ARRB1: variants seen among roughly 807,000 people sequenced by gnomAD.
The protein encoded by ARRB1 is arrestin beta 1, also known as beta-arrestin-1.
A neutral mutation model predicts 56.8 loss-of-function variants in ARRB1; 21 were observed. The observed-to-expected ratio is 0.37, with a 90% CI of 0.26 to 0.53. The LOEUF is 0.53. Among genes scored for constraint, ARRB1 ranks in the 20% least tolerant of loss-of-function variants. ARRB1 has a pLI of 0.88. For synonymous variants in ARRB1, 210 were observed against 218.6 expected (o/e 0.96, Z 0.35); for missense variants, 424 against 553.7 (o/e 0.77, Z 2.35).
intron 2 of ARRB1, 130 bp downstream of exon 2, chr11:75,289,879 G>T: frequency 7.6e-7 from 1 of 1,320,548 alleles, no homozygotes; most frequent in East Asian, 2.3e-5. Flanking sequence ...CCCCTAAGAC[G>T]GGGAGCAGCA....
intron 7 of ARRB1, 57 bp from the exon 8 acceptor site, chr11:75,278,801 C>T: frequency 6.5e-7 from 1 of 1,548,656 alleles, no homozygotes; most frequent in Non-Finnish European, 8.7e-7. Context: ...CATCCCCTCT[C>T]CTTGCGAGCC....
chr11:75,300,335 A>C (rs940180038), intron 1 of ARRB1, among the ~76,000 whole-genome samples: 1 of 152,170 alleles, frequency 6.6e-6, no homozygotes, highest in Non-Finnish European at 1.5e-5. Flanking sequence ...CAACAACTCT[A>C]TAATAAGTGT....
intron 1 of ARRB1, among the ~76,000 whole-genome samples, chr11:75,329,468 T>C (rs1947487310): frequency 1.3e-5 from 2 of 152,296 alleles, no homozygotes; most frequent in South Asian, 4.1e-4. Flanking sequence ...TTCAGGGATC[T>C]AGAATTCCAG....
chr11:75,341,487 A>G (rs1240822770), intron 1 of ARRB1, among the ~76,000 whole-genome samples: 1 of 152,096 alleles, frequency 6.6e-6, no homozygotes, highest in African/African-American at 2.4e-5. Flanking sequence ...CAGAAACCCC[A>G]TTAATATTAT....
At chr11:75,325,700 C>T (rs141122457) in intron 1 of ARRB1, among the ~76,000 whole-genome samples, 244 of 152,284 alleles carry the variant, frequency 1.6e-3, no homozygotes, top group African/African-American at 5.7e-3. Flanking sequence ...GTGAACTCTG[C>T]GGCTCATGCT....
chr11:75,267,755 C>A, intron 14 of ARRB1, 52 bp from the exon 15 acceptor site: 1 of 1,553,804 alleles, frequency 6.4e-7, no homozygotes, highest in Non-Finnish European at 8.8e-7. Context: ...AGTGGATGAG[C>A]ACGGGGCGAG....
At chr11:75,317,425 G>A (rs1415366044) in intron 1 of ARRB1, among the ~76,000 whole-genome samples, 2 of 151,634 alleles carry the variant, frequency 1.3e-5, no homozygotes, top group African/African-American at 2.4e-5. Flanking sequence ...AACCCCCGAC[G>A]GCATCCTCAC....
chr11:75,280,475 G>T (rs573195027), intron 7 of ARRB1, among the ~76,000 whole-genome samples: 4 of 152,306 alleles, frequency 2.6e-5, no homozygotes, highest in African/African-American at 9.6e-5. Flanking sequence ...AGCACAGCCC[G>T]ACCCAGGAGG....
rs756877926 is a variant in ARRB1, at chr11:75,333,235, G to A, written c.20+18353C>T. ...AAAAACAAAGCCACTTGTCAAGAAG[G>A]GCAGAGCCACAGTTGTGGGTGGCCA... On this transcript the variant is annotated intron_variant, in intron 1 of 15. Transcript: ENST00000420843. 2.2e-4 allele frequency among the ~76,000 whole-genome samples: 34 copies of A among 152,304 alleles called. No individual in the cohort carries two copies. In the South Asian group the frequency reaches 6.8e-3, roughly 31 times the overall value.
Position 75,263,841 on chromosome 11 carries a change from G to A in ARRB1, c.*2322C>T, listed in dbSNP as rs1945852335. On this transcript the variant is annotated 3_prime_UTR_variant, in exon 16 of 16. Coordinates refer to ENST00000420843, the MANE Select transcript of ARRB1 (RefSeq NM_004041.5). Reference sequence around the variant, plus strand: ...CCCAAAAGGGTGAGCGTGATGTTGAGGTGCAGGAGGCTCGGGAAACCAGCC... The same window carrying A: ...CCCAAAAGGGTGAGCGTGATGTTGAAGTGCAGGAGGCTCGGGAAACCAGCC... 6.6e-6 allele frequency among the ~76,000 whole-genome samples: 1 copy of A among 152,220 alleles called. No homozygotes were observed. Among genetic ancestry groups the A allele is most frequent in the Non-Finnish European group, 1.5e-5 (1 of 68,046 alleles).
intron 1 of ARRB1, among the ~76,000 whole-genome samples, chr11:75,296,706 C>G (rs1189602030): frequency 1.3e-5 from 2 of 151,586 alleles, no homozygotes; most frequent in Admixed American, 1.3e-4. Flanking sequence ...GAGATGGAGT[C>G]TCACTCTGTC....
intron 14 of ARRB1, 69 bp from the exon 15 acceptor site, chr11:75,267,772 C>T: frequency 1.5e-6 from 2 of 1,373,634 alleles, no homozygotes; most frequent in Non-Finnish European, 2.0e-6. Flanking sequence ...CGAGTAAGCA[C>T]AGGCCCCCAC....
chr11:75,328,109 C>T (rs1335793487), intron 1 of ARRB1, among the ~76,000 whole-genome samples: 1 of 152,212 alleles, frequency 6.6e-6, no homozygotes, highest in Non-Finnish European at 1.5e-5. Context: ...TCTTTCCTCT[C>T]TCCAACCCCT....
chr11:75,278,563 C>T, intron 8 of ARRB1, 46 bp downstream of exon 8: 1 of 1,612,108 alleles, frequency 6.2e-7, no homozygotes, highest in African/African-American at 1.3e-5. Flanking sequence ...GAGGCCCAGG[C>T]CCTGGTGGAG....
intron 10 of ARRB1, chr11:75,274,931 C>T (rs140587355): frequency 0.017 from 2,587 of 152,418 alleles, 77 homozygotes; most frequent in African/African-American, 0.058. Flanking sequence ...AAGACCCCAT[C>T]GCTACAAAAA....
At chr11:75,273,218 C>A (rs1034976457) in intron 11 of ARRB1, among the ~76,000 whole-genome samples, 2 of 152,180 alleles carry the variant, frequency 1.3e-5, no homozygotes, top group African/African-American at 4.8e-5. Context: ...CCCTGCTGAG[C>A]CCCTCTCCCT....
intron 1 of ARRB1, among the ~76,000 whole-genome samples, chr11:75,320,296 C>T (rs536306066): frequency 1.3e-4 from 19 of 151,958 alleles, no homozygotes; most frequent in East Asian, 3.9e-4. Context: ...GCCAGGCTGG[C>T]GGAGGAAACA....
intron 1 of ARRB1, among the ~76,000 whole-genome samples, chr11:75,339,870 G>A (rs750452585): frequency 3.3e-5 from 5 of 152,192 alleles, no homozygotes; most frequent in Admixed American, 2.6e-4. Context: ...TAACAGAAAC[G>A]ATATAAGCTA....
At chr11:75,329,584 C>G (rs552014805) in intron 1 of ARRB1, among the ~76,000 whole-genome samples, 1 of 152,180 alleles carries the variant, frequency 6.6e-6, no homozygotes, top group Non-Finnish European at 1.5e-5. Context: ...ATGACCACTA[C>G]GCGGACCACT....
Sources: gnomAD v4.1 joint callset for allele counts (sites outside exome capture counted in the v4.1 genomes callset) on GRCh38, gnomAD v4.1.1 for gene constraint, MANE v1.5 for transcripts, NCBI Gene and HGNC (gene_info 2026-07-23, HGNC 2026-07-21) for gene names.